PRDM5: variants seen among roughly 807,000 people sequenced by gnomAD.
PRDM5 encodes the protein PR domain zinc finger protein 5.
A neutral mutation model predicts 81.2 loss-of-function variants in PRDM5; 56 were observed. The observed-to-expected ratio is 0.69, with a 90% CI of 0.56 to 0.86. The LOEUF is 0.86. Ranked by LOEUF, PRDM5 falls within the 40% of genes least tolerant of loss-of-function variation. The pLI, the probability that PRDM5 is intolerant of heterozygous loss-of-function variation, is 0.00. For synonymous variants in PRDM5, 267 were observed against 256.4 expected, an observed-to-expected ratio of 1.04 and a Z score of -0.39; for missense variants, 697 against 770.1, an observed-to-expected ratio of 0.91 and a Z score of 1.12.
chr4:120,861,010 C>T (rs7663276), intron 2 of PRDM5, among the ~76,000 whole-genome samples: 32,071 of 152,042 alleles, frequency 0.21, 3,705 homozygotes, highest in Non-Finnish European at 0.25. Flanking sequence ...TCAGTTATCT[C>T]TTTGTTGTTG....
At position 120,818,472 on chromosome 4, in the gene PRDM5, G is replaced by A. The variant is rs1323349871; in HGVS notation, c.531C>T (p.Thr177=). 3 of 1,613,462 alleles carry A rather than the reference G, an allele frequency of 1.9e-6. No homozygotes were observed. Among genetic ancestry groups the A allele is most frequent in the African/African-American group, 1.3e-5 (1 of 74,876 alleles). The change falls in exon 5 of 16, where the codon ACC becomes ACT. Residue 177 remains threonine, a synonymous_variant. Coordinates refer to ENST00000264808, the MANE Select transcript of PRDM5 (RefSeq NM_018699.4). The part of the protein sequence containing the change: ...YACPQCESSF[T]SEDILAEHLQ... ...GATGCTCAGCAAGAATATCCTCACTGGTAAAACTCGATTCACATTGAGGAC... is the reference window on the plus strand; with the variant it reads ...GATGCTCAGCAAGAATATCCTCACTAGTAAAACTCGATTCACATTGAGGAC...
At chr4:120,868,436 T>C (rs1354298094) in intron 2 of PRDM5, among the ~76,000 whole-genome samples, 1 of 151,184 alleles carries the variant, frequency 6.6e-6, no homozygotes, top group African/African-American at 2.4e-5. Flanking sequence ...GATTTGCTTC[T>C]AAATGAGTTA....
chr4:120,686,195 G>A (rs933610714), intron 1 of PRDM5, among the ~76,000 whole-genome samples: 4 of 150,710 alleles, frequency 2.7e-5, no homozygotes, highest in Non-Finnish European at 6.0e-5. Context: ...ATAACTGTGA[G>A]CCAATTAAAC....
At chr4:120,825,848 A>G (rs530376467) in intron 3 of PRDM5, among the ~76,000 whole-genome samples, 1 of 148,916 alleles carries the variant, frequency 6.7e-6, no homozygotes, top group African/African-American at 2.4e-5. Flanking sequence ...GATACCAATC[A>G]ATTGTCTGAA....
chr4:120,720,541 G>C (rs769608695), intron 14 of PRDM5, among the ~76,000 whole-genome samples: 2 of 152,142 alleles, frequency 1.3e-5, no homozygotes, highest in African/African-American at 2.4e-5. Flanking sequence ...CCCACAGTAC[G>C]GCATGCCATA....
intron 2 of PRDM5, among the ~76,000 whole-genome samples, chr4:120,878,559 TG>T (rs1762544893): frequency 6.6e-6 from 1 of 152,198 alleles, no homozygotes; most frequent in African/African-American, 2.4e-5. Context: ...AAAGAAATAT[TG>T]GTAAGTTTGA....
intron 14 of PRDM5, among the ~76,000 whole-genome samples, chr4:120,717,347 T>C (rs1471889776): frequency 2.6e-5 from 4 of 152,186 alleles, no homozygotes; most frequent in Non-Finnish European, 4.4e-5. Context: ...CTAGCTTTAA[T>C]CAAACAATAC....
At chr4:120,701,974 T>G (rs1203368280) in intron 15 of PRDM5, among the ~76,000 whole-genome samples, 1 of 152,060 alleles carries the variant, frequency 6.6e-6, no homozygotes, top group Non-Finnish European at 1.5e-5. Flanking sequence ...CAAATAGAGG[T>G]GGTACAACTT....
At chr4:120,797,744 C>A (rs990463877) in intron 10 of PRDM5, among the ~76,000 whole-genome samples, 5 of 152,096 alleles carry the variant, frequency 3.3e-5, no homozygotes, top group Non-Finnish European at 7.4e-5. Flanking sequence ...GAAAATAAAT[C>A]ATTTGGAATT....
chr4:120,783,508 C>A (rs947613085), intron 11 of PRDM5, among the ~76,000 whole-genome samples: 2 of 152,036 alleles, frequency 1.3e-5, no homozygotes, highest in African/African-American at 4.8e-5. Context: ...AATAAAATTT[C>A]ATCATTCCCA....
At chr4:120,895,255 T>A (rs1021191843) in intron 2 of PRDM5, among the ~76,000 whole-genome samples, 1 of 152,176 alleles carries the variant, frequency 6.6e-6, no homozygotes, top group African/African-American at 2.4e-5. Context: ...TACATTCACA[T>A]TTTTTTAAGG....
chr4:120,798,875 A>G (rs1046558865), intron 9 of PRDM5, among the ~76,000 whole-genome samples: 5 of 152,206 alleles, frequency 3.3e-5, no homozygotes, highest in South Asian at 4.1e-4. Context: ...GGTATGTAAA[A>G]TTCGTATTTA....
chr4:120,728,833 TACAC>T (rs1739828357), intron 14 of PRDM5, among the ~76,000 whole-genome samples: 1 of 151,992 alleles, frequency 6.6e-6, no homozygotes, highest in Admixed American at 6.6e-5. Context: ...AAATAGAAAA[TACAC>T]ACAAGAAATA....
At chr4:120,714,312 A>C in intron 14 of PRDM5, among the ~76,000 whole-genome samples, 1 of 151,860 alleles carries the variant, frequency 6.6e-6, no homozygotes. Flanking sequence ...GACTAATTTT[A>C]CTCTTCATAT....
intron 12 of PRDM5, among the ~76,000 whole-genome samples, chr4:120,779,095 T>G (rs1748618219): frequency 6.6e-6 from 1 of 152,186 alleles, no homozygotes; most frequent in African/African-American, 2.4e-5. Flanking sequence ...TGTTCATTTA[T>G]ATGACTGCCA....
At chr4:120,853,285 T>G in intron 3 of PRDM5, 133 bp downstream of exon 3, 1 of 1,364,468 alleles carries the variant, frequency 7.3e-7, no homozygotes, top group Non-Finnish European at 1.0e-6. Context: ...CTAGATGAGA[T>G]TTCTCTGCTT....
chr4:120,739,791 C>A (rs143970949), intron 14 of PRDM5, among the ~76,000 whole-genome samples: 28 of 151,844 alleles, frequency 1.8e-4, no homozygotes, highest in African/African-American at 6.5e-4. Context: ...AAAAGTATTC[C>A]TAACTGGGAA....
intron 7 of PRDM5, chr4:120,816,100 T>A (rs1452482830): frequency 3.4e-6 from 1 of 296,750 alleles, no homozygotes; most frequent in African/African-American, 2.2e-5. Context: ...CATCACTTAA[T>A]AATGATAAAT....
intron 12 of PRDM5, among the ~76,000 whole-genome samples, chr4:120,779,773 G>C (rs552747112): frequency 1.3e-4 from 20 of 152,142 alleles, no homozygotes; most frequent in African/African-American, 4.8e-4. Flanking sequence ...CGTGGTAGCA[G>C]GCACCTATAA....
Sources: allele counts gnomAD v4.1 joint callset (sites outside exome capture counted in the v4.1 genomes callset), GRCh38; gene constraint gnomAD v4.1.1; transcripts MANE v1.5; gene names NCBI Gene and HGNC (gene_info 2026-07-23, HGNC 2026-07-21).